Variants in SEMA5B observed in about 807,000 individuals in gnomAD.
The protein encoded by SEMA5B is semaphorin 5B.
A neutral mutation model predicts 135.0 loss-of-function variants in SEMA5B; 66 were observed. The observed-to-expected ratio is 0.49, with a 90% CI of 0.40 to 0.60. The LOEUF (loss-of-function observed/expected upper bound fraction) is 0.60. SEMA5B is among the 20% of genes least tolerant of loss of function. The probability of loss-of-function intolerance (pLI) is 0.00; values close to 1 mark genes in which losing one functional copy is unlikely to be tolerated. For synonymous variants in SEMA5B, 690 were observed against 639.5 expected (o/e 1.08, Z -1.19); for missense variants, 1,501 against 1,566.3 (o/e 0.96, Z 0.70).
intron 1 of SEMA5B, among the ~76,000 whole-genome samples, chr3:123,005,030 T>A (rs930820520): frequency 6.6e-6 from 1 of 152,134 alleles, no homozygotes; most frequent in African/African-American, 2.4e-5. Context: ...TTTTGCACCC[T>A]CTCTTGCCTT....
intron 1 of SEMA5B, among the ~76,000 whole-genome samples, chr3:123,023,309 G>A (rs984479133): frequency 6.8e-6 from 1 of 146,872 alleles, no homozygotes; most frequent in Non-Finnish European, 1.5e-5. Context: ...TTCATTAGAA[G>A]TAACTATTTC....
At position 122,911,057 on chromosome 3, in the gene SEMA5B, G is replaced by C; in HGVS notation, c.3092-12C>G. On this transcript the variant is annotated splice_polypyrimidine_tract_variant and intron_variant, in intron 21 of 22. Transcript: ENST00000357599. ...GATGAGATTGAACCCTAGGGGAAGA[G>C]AGGCAGGTAGTAAGATGAGGGCCAC... 1 of 1,602,988 alleles carries C rather than the reference G, an allele frequency of 6.2e-7. No homozygotes were observed. The highest frequency in any genetic ancestry group is 8.5e-7 in the Non-Finnish European group (1 of 1,172,188).
chr3:123,015,336 C>T (rs1357088678), intron 1 of SEMA5B, among the ~76,000 whole-genome samples: 1 of 152,226 alleles, frequency 6.6e-6, no homozygotes, highest in East Asian at 1.9e-4. Context: ...TGGCTGTAAG[C>T]TCAGTCGAAA....
At chr3:123,018,870 C>T (rs958042846) in intron 1 of SEMA5B, among the ~76,000 whole-genome samples, 3 of 152,156 alleles carry the variant, frequency 2.0e-5, no homozygotes, top group Admixed American at 6.5e-5. Context: ...AATAGGAATA[C>T]GTCATAACTT....
chr3:122,941,325 G>A (rs1442580162), intron 4 of SEMA5B, among the ~76,000 whole-genome samples: 1 of 152,242 alleles, frequency 6.6e-6, no homozygotes, highest in East Asian at 1.9e-4. Context: ...AGGAAAAAGT[G>A]TCCCTCCATC....
chr3:122,999,605 C>T (rs2107751030), intron 1 of SEMA5B, among the ~76,000 whole-genome samples: 1 of 152,122 alleles, frequency 6.6e-6, no homozygotes, highest in South Asian at 2.1e-4. Context: ...GCTGTAACCA[C>T]AAATGAGCCT....
intron 1 of SEMA5B, among the ~76,000 whole-genome samples, chr3:122,973,600 T>G (rs1560392369): frequency 6.6e-6 from 1 of 152,258 alleles, no homozygotes; most frequent in Non-Finnish European, 1.5e-5. Flanking sequence ...TTTTGGTTTA[T>G]GTTATCGCAG....
chr3:122,964,425 T>A (rs1388907189), intron 1 of SEMA5B, among the ~76,000 whole-genome samples: 6 of 152,218 alleles, frequency 3.9e-5, no homozygotes. Context: ...ACTGTTGCTG[T>A]GTGAGGACAC....
intron 9 of SEMA5B, among the ~76,000 whole-genome samples, chr3:122,926,184 T>C (rs1208481012): frequency 2.0e-5 from 3 of 152,252 alleles, no homozygotes; most frequent in Non-Finnish European, 4.4e-5. Context: ...CAGATTTATT[T>C]GCTTTATTCA....
chr3:122,947,952 T>C (rs1257214998), intron 3 of SEMA5B, among the ~76,000 whole-genome samples: 1 of 152,162 alleles, frequency 6.6e-6, no homozygotes, highest in Non-Finnish European at 1.5e-5. Context: ...GAAACTCTTA[T>C]CAAGAATTTA....
At chr3:122,992,175 C>T (rs376865934) in intron 1 of SEMA5B, among the ~76,000 whole-genome samples, 1 of 152,152 alleles carries the variant, frequency 6.6e-6, no homozygotes, top group Non-Finnish European at 1.5e-5. Flanking sequence ...GGGGACCCAC[C>T]ACTGTTTGCA....
intron 2 of SEMA5B, 46 bp downstream of exon 2, chr3:122,961,094 G>T: frequency 1.3e-6 from 2 of 1,557,482 alleles, no homozygotes; most frequent in Non-Finnish European, 1.7e-6. Context: ...TCTCCCCTCA[G>T]TCTGGTACCT....
At position 122,913,282 on chromosome 3, in the gene SEMA5B, T is replaced by G. The variant is rs755632643; in HGVS notation, c.2423A>C (p.Asp808Ala). 33 of 1,583,942 alleles carry G rather than the reference T, an allele frequency of 2.1e-5. No homozygotes were observed. The highest frequency in any genetic ancestry group is 2.6e-5 in the Non-Finnish European group (31 of 1,173,668). ...CCTGCCGAACTGCAGGCCGTGCGGG[T>G]CTGCAAGGGGCGCGCGGCAGGTGAA... ...FRFTCRAPLADPHGLQFGRRR... is the reference protein window; with the variant it reads ...FRFTCRAPLAAPHGLQFGRRR... The change falls in exon 17 of 23, where the codon GAC (aspartate) becomes GCC (alanine). Residue 808 changes from aspartate to alanine, a missense_variant. Transcript: ENST00000357599.
chr3:122,936,665 G>T (rs1365276964), intron 5 of SEMA5B, among the ~76,000 whole-genome samples: 1 of 152,202 alleles, frequency 6.6e-6, no homozygotes, highest in African/African-American at 2.4e-5. Context: ...CATCATGCTG[G>T]TCCTCTCAGC....
intron 1 of SEMA5B, among the ~76,000 whole-genome samples, chr3:122,981,695 G>A (rs191274922): frequency 1.3e-5 from 2 of 152,334 alleles, no homozygotes; most frequent in African/African-American, 4.8e-5. Flanking sequence ...GAGGCACACA[G>A]GCACTGTTTT....
rs530232775 is a variant in SEMA5B, at chr3:123,002,848, AAC to A, written c.-39+24614_-39+24615del. Among the ~76,000 whole-genome samples the A allele has an allele frequency of 1.1e-3, 162 of 152,352 alleles. 2 individuals carry two copies. Among genetic ancestry groups the A allele is most frequent in the African/African-American group, 3.8e-3 (157 of 41,584 alleles). ...TAGTCAGAAAATTAAACTTCAAGTA[AAC>A]ACACAGTCCTTTGGTTTTCTTATCT... On this transcript the variant is annotated intron_variant, in intron 1 of 22. Transcript: ENST00000357599.
At chr3:122,974,671 AG>A (rs1271783616) in intron 1 of SEMA5B, among the ~76,000 whole-genome samples, 8 of 151,772 alleles carry the variant, frequency 5.3e-5, no homozygotes, top group Non-Finnish European at 7.4e-5. Flanking sequence ...AGAGAAGGGG[AG>A]GGGGGTCTTT....
At chr3:122,938,819 T>C (rs926438059) in intron 5 of SEMA5B, among the ~76,000 whole-genome samples, 1 of 152,252 alleles carries the variant, frequency 6.6e-6, no homozygotes, top group Admixed American at 6.5e-5. Context: ...TTTCTCAATC[T>C]GGGATAAATG....
intron 1 of SEMA5B, among the ~76,000 whole-genome samples, chr3:122,983,715 TCAAAAAAAAAA>T (rs1941605491): frequency 5.3e-5 from 2 of 37,688 alleles, no homozygotes; most frequent in African/African-American, 2.9e-4. Context: ...GAGACTCGTC[TCAAAAAAAAAA>T]AAAAAAAAAA....
Sources: allele counts gnomAD v4.1 joint callset (sites outside exome capture counted in the v4.1 genomes callset), GRCh38; gene constraint gnomAD v4.1.1; transcripts MANE v1.5; gene names NCBI Gene and HGNC (gene_info 2026-07-23, HGNC 2026-07-21).